The following RNF13 variants were observed in gnomAD, a reference collection of about 807,000 sequenced individuals.
The protein encoded by RNF13 is ring finger protein 13.
A neutral mutation model predicts 37.7 loss-of-function variants in RNF13; 19 were observed. That is an observed-to-expected ratio of 0.50 (90% CI 0.35 to 0.74). The LOEUF is 0.74. Ranked by LOEUF, RNF13 falls within the 30% of genes least tolerant of loss-of-function variation. The pLI is 0.01. For synonymous variants in RNF13, 144 were observed against 157.8 expected, an observed-to-expected ratio of 0.91 and a Z score of 0.65; for missense variants, 375 against 453.0, an observed-to-expected ratio of 0.83 and a Z score of 1.56.
intron 1 of RNF13, among the ~76,000 whole-genome samples, chr3:149,841,553 T>C (rs1722179685): frequency 6.6e-6 from 1 of 152,174 alleles, no homozygotes. Flanking sequence ...AGTGAGCTGA[T>C]TGATCAGAGC....
chr3:149,847,065 T>C (rs1045189867), intron 2 of RNF13, among the ~76,000 whole-genome samples: 5 of 152,176 alleles, frequency 3.3e-5, no homozygotes, highest in African/African-American at 7.2e-5. Context: ...CTTTCGACTT[T>C]ATGATGGTAT....
At chr3:149,922,502 T>C (rs1718244372) in intron 8 of RNF13, among the ~76,000 whole-genome samples, 2 of 152,196 alleles carry the variant, frequency 1.3e-5, no homozygotes, top group Non-Finnish European at 2.9e-5. Flanking sequence ...GTAAATATTA[T>C]CACCATGTGC....
At position 149,852,583 on chromosome 3, in the gene RNF13, C is replaced by A; in HGVS notation, c.182C>A (p.Ala61Asp). The A allele has an allele frequency of 1.9e-6, 3 of 1,544,884 alleles. No individual in the cohort carries two copies. The highest frequency in any genetic ancestry group is 1.2e-5 in the South Asian group (1 of 82,112). The change falls in exon 3 of 10, where the codon GCT becomes GAT. Residue 61 changes from alanine to aspartate, a missense_variant. Transcript: ENST00000392894. ...LPARFGYRLP[A>D]EGLKGFLINS... ...GCAAGATTTGGTTATAGACTTCCAGCTGAAGGTTTAAAGGTAAGACAGTTG... is the reference window on the plus strand; with the variant it reads ...GCAAGATTTGGTTATAGACTTCCAGATGAAGGTTTAAAGGTAAGACAGTTG...
At chr3:149,916,069 TCTTA>T (rs376262697) in intron 7 of RNF13, among the ~76,000 whole-genome samples, 31 of 152,236 alleles carry the variant, frequency 2.0e-4, no homozygotes, top group African/African-American at 6.3e-4. Flanking sequence ...CTAAGCTTTC[TCTTA>T]CTTTCTAAAA....
At chr3:149,820,471 G>T (rs1161919899) in intron 1 of RNF13, among the ~76,000 whole-genome samples, 1 of 152,152 alleles carries the variant, frequency 6.6e-6, no homozygotes, top group Non-Finnish European at 1.5e-5. Flanking sequence ...ATGAAGTCAT[G>T]AGGGAGAAAC....
intron 1 of RNF13, among the ~76,000 whole-genome samples, chr3:149,824,685 T>C (rs1376498688): frequency 6.6e-6 from 1 of 151,846 alleles, no homozygotes; most frequent in African/African-American, 2.4e-5. Context: ...TTTAAAGATA[T>C]ACACACAAAT....
At chr3:149,929,345 A>G (rs775264253) in intron 8 of RNF13, among the ~76,000 whole-genome samples, 1 of 152,114 alleles carries the variant, frequency 6.6e-6, no homozygotes, top group Admixed American at 6.6e-5. Context: ...TATCATGACA[A>G]TAGCGTGGGG....
chr3:149,953,827 A>T (rs1721592376), intron 8 of RNF13, among the ~76,000 whole-genome samples: 1 of 152,190 alleles, frequency 6.6e-6, no homozygotes, highest in African/African-American at 2.4e-5. Flanking sequence ...GTGTGGTGGG[A>T]GGGATTTAAA....
intron 6 of RNF13, among the ~76,000 whole-genome samples, chr3:149,910,291 T>A (rs1271857919): frequency 6.6e-6 from 1 of 152,176 alleles, no homozygotes; most frequent in Admixed American, 6.5e-5. Flanking sequence ...TTTTTTACAC[T>A]GATGATATAT....
At chr3:149,955,048 G>A (rs766078463) in intron 8 of RNF13, among the ~76,000 whole-genome samples, 1 of 152,114 alleles carries the variant, frequency 6.6e-6, no homozygotes, top group Non-Finnish European at 1.5e-5. Flanking sequence ...CCATTAGTAT[G>A]TTAAAGCAGC....
chr3:149,897,076 T>G (rs936184724), intron 5 of RNF13, among the ~76,000 whole-genome samples: 9 of 152,164 alleles, frequency 5.9e-5, no homozygotes, highest in African/African-American at 1.9e-4. Context: ...CCTTTAACTA[T>G]TTCCCTCTTA....
chr3:149,828,699 T>A (rs772684702), intron 1 of RNF13, among the ~76,000 whole-genome samples: 4 of 152,192 alleles, frequency 2.6e-5, no homozygotes, highest in Non-Finnish European at 5.9e-5. Context: ...TTCTCTAGTT[T>A]GACCCTCTAC....
intron 4 of RNF13, chr3:149,893,873 G>A (rs1198837295): frequency 6.6e-6 from 1 of 152,112 alleles, no homozygotes; most frequent in East Asian, 1.9e-4. Context: ...GTTGACTGGT[G>A]ATTTCTTGCC....
At chr3:149,829,851 G>T (rs147033079) in intron 1 of RNF13, among the ~76,000 whole-genome samples, 3 of 152,066 alleles carry the variant, frequency 2.0e-5, no homozygotes, top group Non-Finnish European at 4.4e-5. Flanking sequence ...TGGGAGGGAC[G>T]TGGTGGGAGG....
chr3:149,835,333 G>A (rs1721488079), intron 1 of RNF13, among the ~76,000 whole-genome samples: 1 of 152,150 alleles, frequency 6.6e-6, no homozygotes, highest in East Asian at 1.9e-4. Context: ...TTGGGGAACA[G>A]GTGGTATTTG....
At chr3:149,822,899 A>T (rs1295936225) in intron 1 of RNF13, among the ~76,000 whole-genome samples, 1 of 152,166 alleles carries the variant, frequency 6.6e-6, no homozygotes, top group Non-Finnish European at 1.5e-5. Context: ...GCTAATTTGA[A>T]TATGTAAATT....
intron 8 of RNF13, among the ~76,000 whole-genome samples, chr3:149,947,550 G>A (rs952322850): frequency 1.6e-4 from 25 of 151,588 alleles, no homozygotes; most frequent in Admixed American, 7.9e-4. Context: ...GATTATAGGC[G>A]CCTGCCACTA....
intron 8 of RNF13, among the ~76,000 whole-genome samples, chr3:149,940,146 C>T (rs148991164): frequency 2.2e-4 from 33 of 151,904 alleles, no homozygotes; most frequent in African/African-American, 7.5e-4. Context: ...ATAATGATTC[C>T]ACTTTCCTTT....
At chr3:149,939,966 A>G (rs1720092334) in intron 8 of RNF13, among the ~76,000 whole-genome samples, 1 of 151,922 alleles carries the variant, frequency 6.6e-6, no homozygotes, top group African/African-American at 2.4e-5. Context: ...TATCTGATCC[A>G]CTCTGACAAT....
Sources: allele counts gnomAD v4.1 joint callset (sites outside exome capture counted in the v4.1 genomes callset), GRCh38; gene constraint gnomAD v4.1.1; transcripts MANE v1.5; gene names NCBI Gene and HGNC (gene_info 2026-07-23, HGNC 2026-07-21).